The following CDHR3 variants were observed in gnomAD, a reference collection of about 807,000 sequenced individuals.
The protein encoded by CDHR3 is cadherin related family member 3.
In CDHR3, 79 loss-of-function variants were observed where a neutral mutation model predicts 86.6. The observed-to-expected ratio is 0.91, with a 90% CI of 0.76 to 1.10. The LOEUF is 1.10. CDHR3 is among the 50% of genes least tolerant of loss of function. CDHR3 has a pLI of 0.00. For missense variants in CDHR3, 1,081 were observed against 1,077.6 expected, an observed-to-expected ratio of 1.00 and a Z score of -0.04; for synonymous variants, 421 against 402.4, an observed-to-expected ratio of 1.05 and a Z score of -0.55.
intron 13 of CDHR3, among the ~76,000 whole-genome samples, chr7:106,021,834 C>G (rs1303241704): frequency 6.6e-6 from 1 of 152,236 alleles, no homozygotes; most frequent in African/African-American, 2.4e-5. Flanking sequence ...GTGAATTACA[C>G]GTGTTGTTAC....
At chr7:105,998,689 C>G (rs1046389747) in intron 6 of CDHR3, among the ~76,000 whole-genome samples, 2 of 151,990 alleles carry the variant, frequency 1.3e-5, no homozygotes, top group Admixed American at 6.6e-5. Context: ...GAAGCTGAGA[C>G]AGGAGAATCG....
intron 7 of CDHR3, among the ~76,000 whole-genome samples, chr7:106,004,011 A>G (rs991149188): frequency 7.1e-6 from 1 of 140,296 alleles, no homozygotes; most frequent in Non-Finnish European, 1.6e-5. Context: ...AAAAAAAAAA[A>G]GAAAGAAAAA....
Position 106,030,905 on chromosome 7 carries a change from G to T in CDHR3, c.2353+65G>T, listed in dbSNP as rs1585880064. 6.9e-7 allele frequency: 1 copy of T among 1,451,518 alleles called. No individual in the cohort carries two copies. Among genetic ancestry groups the T allele is most frequent in the East Asian group, 2.4e-5 (1 of 42,260 alleles). 89.9% of individuals were successfully genotyped at this position (1,451,518 alleles called of 1,614,324 possible). The stretch of plus-strand genomic sequence containing the variant: ...ATTCCAGACTGGTAGAAGCATGGAG[G>T]ATCTTATCCAATTTCCTGCTTTTAG... On this transcript the variant is annotated intron_variant, in intron 18 of 18. Transcript: ENST00000317716. This position sits in a 1 kb window ranked among gnomAD's most constrained non-coding sequence, Gnocchi z 4.8.
intron 6 of CDHR3, among the ~76,000 whole-genome samples, chr7:105,997,840 C>T (rs1167591508): frequency 6.6e-6 from 1 of 152,094 alleles, no homozygotes; most frequent in Non-Finnish European, 1.5e-5. Flanking sequence ...GCGTGGGATG[C>T]ACCCAGAGGT....
chr7:105,977,896 T>C (rs898289318), intron 2 of CDHR3, among the ~76,000 whole-genome samples: 10 of 151,918 alleles, frequency 6.6e-5, no homozygotes, highest in African/African-American at 2.4e-4. Flanking sequence ...TGAGGAGGAG[T>C]AATGATAATA....
chr7:106,013,665 A>G (rs866416627), intron 9 of CDHR3, among the ~76,000 whole-genome samples: 11 of 152,336 alleles, frequency 7.2e-5, no homozygotes, highest in South Asian at 2.1e-4. Context: ...GAGGGAAGCC[A>G]GCAACCCGCT....
At chr7:105,997,036 A>G (rs1832354234) in intron 6 of CDHR3, among the ~76,000 whole-genome samples, 1 of 152,192 alleles carries the variant, frequency 6.6e-6, no homozygotes. Context: ...ACAGCCTGGC[A>G]TACTGCTTAC....
Position 106,026,683 on chromosome 7 carries a change from A to G in CDHR3, c.2260A>G (p.Thr754Ala), listed in dbSNP as rs1837396704. The G allele has an allele frequency of 1.2e-6, 2 of 1,613,698 alleles. No homozygotes were observed. Among genetic ancestry groups the G allele is most frequent in the Admixed American group, 1.7e-5 (1 of 59,998 alleles). Residue 754 changes from threonine to alanine, a missense_variant and splice_region_variant, in exon 16 of 19, where the codon ACA (threonine) becomes GCA (alanine). Physicochemically the swap from Thr to Ala is moderately conservative, Grantham distance 58. Transcript: ENST00000317716. ...TAGCCATTCTTTTTCCCCCCATAGG[A>G]CAAAGAAAGGAGGTATGTACAGTAC... ...CKTGKNKEPL[T>A]KKGETKTAER...
chr7:106,023,126 C>T (rs1836828471), intron 14 of CDHR3, among the ~76,000 whole-genome samples: 1 of 152,114 alleles, frequency 6.6e-6, no homozygotes, highest in Non-Finnish European at 1.5e-5. Context: ...AATTCTCAGG[C>T]CCAGCCTAGA....
At chr7:105,985,114 G>T (rs1830335771) in intron 4 of CDHR3, among the ~76,000 whole-genome samples, 1 of 151,872 alleles carries the variant, frequency 6.6e-6, no homozygotes, top group African/African-American at 2.4e-5. Context: ...TAGAGCAGGA[G>T]ATTGGGTCCT....
At chr7:106,004,073 A>G (rs981624598) in intron 7 of CDHR3, among the ~76,000 whole-genome samples, 1 of 152,160 alleles carries the variant, frequency 6.6e-6, no homozygotes, top group Non-Finnish European at 1.5e-5. Flanking sequence ...AAGAAAATGT[A>G]AAAAGATGGG....
At chr7:106,032,145 T>C (rs546065432) in intron 18 of CDHR3, among the ~76,000 whole-genome samples, 137 of 152,342 alleles carry the variant, frequency 9.0e-4, no homozygotes, top group African/African-American at 3.1e-3. Context: ...GAGACGCTCC[T>C]AAGCCTTTCT....
intron 2 of CDHR3, among the ~76,000 whole-genome samples, chr7:105,977,837 C>T (rs1053080451): frequency 1.3e-5 from 2 of 152,192 alleles, no homozygotes; most frequent in African/African-American, 4.8e-5. Flanking sequence ...GGCCAAGCCT[C>T]CCTGCTTTGG....
chr7:106,001,241 A>G (rs949675893), intron 6 of CDHR3, among the ~76,000 whole-genome samples: 2 of 152,214 alleles, frequency 1.3e-5, no homozygotes, highest in Non-Finnish European at 2.9e-5. Flanking sequence ...AAATTGTTGC[A>G]ATGACAGCGT....
intron 3 of CDHR3, among the ~76,000 whole-genome samples, chr7:105,983,192 G>A (rs755546396): frequency 3.3e-5 from 5 of 152,180 alleles, no homozygotes; most frequent in Non-Finnish European, 7.3e-5. Context: ...TGAGAGTAAG[G>A]TTCTGTTTTG....
chr7:106,008,707 G>C (rs1377047070), intron 8 of CDHR3, among the ~76,000 whole-genome samples: 1 of 152,148 alleles, frequency 6.6e-6, no homozygotes, highest in African/African-American at 2.4e-5. Flanking sequence ...GGGCCCAGGG[G>C]ATGGAGTGGA....
Position 106,036,108 on chromosome 7 carries a change from A to G in CDHR3, c.*3411A>G, listed in dbSNP as rs1301248104. 6.6e-6 allele frequency: 1 copy of G among 152,140 alleles called. No homozygotes were observed. Among genetic ancestry groups the G allele is most frequent in the Non-Finnish European group, 1.5e-5 (1 of 68,022 alleles). The allele number at this position is 152,140 out of a possible 1,614,324, so 9.4% of individuals were successfully genotyped here. ...AATTATAATTGTCGAAGACTTTGAA[A>G]CTGCATAGTAGATTGTGACATTGGA... On this transcript the variant is annotated 3_prime_UTR_variant, in exon 19 of 19. Transcript: ENST00000317716.
Position 106,015,145 on chromosome 7 carries a change from A to ACCTAT in CDHR3, c.1263_1264insTCCTA (p.Ala422SerfsTer2), listed in dbSNP as rs1835398418. 2.5e-6 allele frequency: 4 copies of ACCTAT among 1,610,920 alleles called. No homozygotes were observed. The highest frequency in any genetic ancestry group is 3.4e-6 in the Non-Finnish European group (4 of 1,178,662). ...GATCTAGACTACGAAAATCCAAGTA[A>ACCTAT]CCTAGCAGCCGGCAATAAATATACG... On this transcript the variant is annotated frameshift_variant, in exon 10 of 19. Transcript: ENST00000317716. LOFTEE classifies it high-confidence loss of function.
chr7:106,015,775 C>G, intron 10 of CDHR3, 152 bp from the exon 11 acceptor site: 1 of 687,922 alleles, frequency 1.5e-6, no homozygotes, highest in Non-Finnish European at 2.7e-6. Context: ...GGTGAACACC[C>G]TCGGCATCTA....
Sources: gnomAD v4.1 joint callset for allele counts (sites outside exome capture counted in the v4.1 genomes callset) on GRCh38, gnomAD v4.1.1 for gene constraint, Gnocchi (gnomAD v3.1) non-coding constraint, MANE v1.5 for transcripts, NCBI Gene and HGNC (gene_info 2026-07-23, HGNC 2026-07-21) for gene names.